Variants in PTGFRN observed in about 807,000 individuals in gnomAD.
The protein encoded by PTGFRN is prostaglandin F2 receptor negative regulator.
A neutral mutation model predicts 83.2 loss-of-function variants in PTGFRN; 35 were observed. The ratio of observed to expected loss-of-function variants is 0.42; its 90% CI spans 0.32 to 0.56. The LOEUF (loss-of-function observed/expected upper bound fraction) is 0.56, where lower values mean the gene tolerates loss of function less well. Ranked by LOEUF, PTGFRN falls within the 20% of genes least tolerant of loss-of-function variation. The pLI is 0.11. For synonymous variants in PTGFRN, 519 were observed against 498.6 expected (o/e 1.04, Z -0.55); for missense variants, 1,051 against 1,179.5 (o/e 0.89, Z 1.60).
At chr1:116,959,951 A>G (rs1385040840) in intron 4 of PTGFRN, among the ~76,000 whole-genome samples, 2 of 152,004 alleles carry the variant, frequency 1.3e-5, no homozygotes, top group African/African-American at 4.8e-5. Context: ...CCACTTGGGG[A>G]CAGTAAGACT....
chr1:116,951,761 G>T (rs1650357438), intron 4 of PTGFRN, among the ~76,000 whole-genome samples: 1 of 152,104 alleles, frequency 6.6e-6, no homozygotes, highest in South Asian at 2.1e-4. Context: ...GGTAGGGCAT[G>T]AGCATAGCAG....
Position 116,961,652 on chromosome 1 carries a change from AT to A in PTGFRN, c.1627del (p.Trp543GlyfsTer3). ...KDVFSKPVNI[F>X]WALEDSVLVV... is the part of the protein sequence containing the mutation. ...ATGTCTTCTCCAAGCCTGTTAACAT[AT>A]TTTGGGCATTAGAAGGTAGGAACTT... is the stretch of plus-strand genomic sequence containing the variant. On this transcript the variant is annotated frameshift_variant, in exon 5 of 9. Coordinates refer to ENST00000393203, the MANE Select transcript of PTGFRN (RefSeq NM_020440.4). LOFTEE classifies it high-confidence loss of function. The surrounding 1 kb of genome is among the most constrained non-coding windows in gnomAD (Gnocchi z 5.4). The A allele has an allele frequency of 6.2e-7, 1 of 1,604,864 alleles. No homozygotes were observed. The highest frequency in any genetic ancestry group is 8.5e-7 in the Non-Finnish European group (1 of 1,175,262).
At chr1:116,930,916 A>G (rs772916881) in intron 1 of PTGFRN, among the ~76,000 whole-genome samples, 1 of 151,852 alleles carries the variant, frequency 6.6e-6, no homozygotes, top group Non-Finnish European at 1.5e-5. Context: ...CCCTCATCCA[A>G]CCATTTTTCA....
intron 1 of PTGFRN, among the ~76,000 whole-genome samples, chr1:116,933,927 T>C (rs1013288699): frequency 1.3e-5 from 2 of 152,348 alleles, no homozygotes; most frequent in South Asian, 2.1e-4. Flanking sequence ...TGATGTCTTT[T>C]GTTGGTTTAA....
intron 4 of PTGFRN, among the ~76,000 whole-genome samples, chr1:116,959,429 T>C (rs1650583166): frequency 6.6e-6 from 1 of 152,230 alleles, no homozygotes; most frequent in South Asian, 2.1e-4. Flanking sequence ...TTGAGTTCTT[T>C]GCATTTTCTG....
At chr1:116,965,927 G>C (rs2101079391) in intron 5 of PTGFRN, among the ~76,000 whole-genome samples, 1 of 152,300 alleles carries the variant, frequency 6.6e-6, no homozygotes, top group African/African-American at 2.4e-5. Flanking sequence ...GAATGTGGTG[G>C]CTCAGTAGAA....
chr1:116,954,430 C>G (rs1291501546), intron 4 of PTGFRN, among the ~76,000 whole-genome samples: 1 of 152,254 alleles, frequency 6.6e-6, no homozygotes, highest in East Asian at 1.9e-4. Context: ...CTCTAAAGTA[C>G]CTACCCAATT....
chr1:116,927,342 A>G (rs905856388), intron 1 of PTGFRN, among the ~76,000 whole-genome samples: 3 of 152,146 alleles, frequency 2.0e-5, no homozygotes, highest in Non-Finnish European at 2.9e-5. Flanking sequence ...AAGGTTTGAC[A>G]TGGTTCTGGC....
intron 7 of PTGFRN, among the ~76,000 whole-genome samples, chr1:116,981,051 A>G (rs550257834): frequency 2.3e-4 from 35 of 152,242 alleles, no homozygotes; most frequent in African/African-American, 7.7e-4. Context: ...TTTTCTTTGC[A>G]TTTACATATT....
chr1:116,945,087 C>G lies in PTGFRN; in HGVS notation c.827C>G (p.Pro276Arg). The change falls in exon 3 of 9, where the codon CCA becomes CGA. Residue 276 changes from proline to arginine, a missense_variant. Physicochemically the swap from Pro to Arg is moderately radical, Grantham distance 103. Coordinates refer to ENST00000393203, the MANE Select transcript of PTGFRN (RefSeq NM_020440.4). ...GAAGTTGCCACCGTGGTGATCCAGC[C>G]ATCAGGTGAGCTGGAAACGATGCGT... Reference protein sequence around the residue: ...AVEVATVVIQPSVLRAAVPKN... With the variant: ...AVEVATVVIQRSVLRAAVPKN... The G allele has an allele frequency of 6.2e-7, 1 of 1,611,582 alleles. No individual in the cohort carries two copies. Among genetic ancestry groups the G allele is most frequent in the Middle Eastern group, 1.7e-4 (1 of 6,048 alleles).
At chr1:116,935,914 G>T (rs924693618) in intron 1 of PTGFRN, among the ~76,000 whole-genome samples, 1 of 152,010 alleles carries the variant, frequency 6.6e-6, no homozygotes, top group Non-Finnish European at 1.5e-5. Flanking sequence ...AATGTTTTTC[G>T]TATGAAGGTT....
At chr1:116,935,751 C>T (rs561274778) in intron 1 of PTGFRN, among the ~76,000 whole-genome samples, 1 of 152,006 alleles carries the variant, frequency 6.6e-6, no homozygotes, top group Non-Finnish European at 1.5e-5. Context: ...TAAGAGAAAC[C>T]TGTGTAGTTC....
In PTGFRN at chr1:116,923,987, G is replaced by A. The variant is rs1366147639; in HGVS notation, c.49+13735G>A. Among the ~76,000 whole-genome samples the A allele has an allele frequency of 6.6e-6, 1 of 152,034 alleles. No individual in the cohort carries two copies. The highest frequency in any genetic ancestry group is 1.5e-5 in the Non-Finnish European group (1 of 68,032). On this transcript the variant is annotated intron_variant, in intron 1 of 8. Transcript: ENST00000393203. The surrounding 1 kb of genome is among the most constrained non-coding windows in gnomAD (Gnocchi z 4.0). ...GTGGCATGGACGAAGTGTCATCCAA[G>A]GATTGTTAAACGAAAGGGGAAACAA...
chr1:116,966,732 G>T (rs1232161507), intron 5 of PTGFRN, among the ~76,000 whole-genome samples, 179 bp from the exon 6 acceptor site: 2 of 152,210 alleles, frequency 1.3e-5, no homozygotes, highest in Non-Finnish European at 2.9e-5. Context: ...TTTCAATGGG[G>T]TGGTTTTAGC....
chr1:116,947,077 C>T (rs185905841), intron 3 of PTGFRN, among the ~76,000 whole-genome samples: 1 of 152,250 alleles, frequency 6.6e-6, no homozygotes, highest in Admixed American at 6.5e-5. Flanking sequence ...TTTTCCCATC[C>T]AAGTTCACAG....
chr1:116,910,182 G>T lies in PTGFRN; in HGVS notation c.-22G>T. On this transcript the variant is annotated 5_prime_UTR_variant, in exon 1 of 9. Transcript: ENST00000393203. ...CGGCGGGGAAGGAGGAGGAGGGGGA[G>T]AGTCGCTCCCGCCGGGCGAGCATGG... The T allele has an allele frequency of 6.7e-7, 1 of 1,500,656 alleles. No homozygotes were observed. Among genetic ancestry groups the T allele is most frequent in the Non-Finnish European group, 8.8e-7 (1 of 1,131,068 alleles). The allele number at this position is 1,500,656 out of a possible 1,614,324, so 93.0% of individuals were successfully genotyped here. A position where few individuals can be genotyped will look rare whatever the true frequency, so the allele number is the denominator to read the frequency against.
At chr1:116,966,171 A>G (rs1650824457) in intron 5 of PTGFRN, among the ~76,000 whole-genome samples, 1 of 152,260 alleles carries the variant, frequency 6.6e-6, no homozygotes, top group South Asian at 2.1e-4. Flanking sequence ...ACTATAATAG[A>G]TGAATTCTAA....
Position 116,961,690 on chromosome 1 carries a change from T to C in PTGFRN, c.1639+22T>C, listed in dbSNP as rs1340117885. 8.2e-6 allele frequency: 13 copies of C among 1,586,594 alleles called. No homozygotes were observed. Among genetic ancestry groups the C allele is most frequent in the Middle Eastern group, 1.7e-4 (1 of 5,894 alleles). On this transcript the variant is annotated intron_variant, in intron 5 of 8. Transcript: ENST00000393203. The surrounding 1 kb of genome is among the most constrained non-coding windows in gnomAD (Gnocchi z 5.4). Reference sequence around the variant, plus strand: ...GAAGGTAGGAACTTTTTTCTTGTTATTCATTTTTGTTTTGTCTTTGCTTAA... The same window carrying C: ...GAAGGTAGGAACTTTTTTCTTGTTACTCATTTTTGTTTTGTCTTTGCTTAA...
chr1:116,982,444 G>C (rs1557751154), intron 7 of PTGFRN, among the ~76,000 whole-genome samples: 1 of 152,134 alleles, frequency 6.6e-6, no homozygotes, highest in Non-Finnish European at 1.5e-5. Context: ...ATGCTCTTTT[G>C]TGAAGGACAT....
Sources: gnomAD v4.1 joint callset for allele counts (sites outside exome capture counted in the v4.1 genomes callset) on GRCh38, gnomAD v4.1.1 for gene constraint, Gnocchi (gnomAD v3.1) non-coding constraint, MANE v1.5 for transcripts, NCBI Gene and HGNC (gene_info 2026-07-23, HGNC 2026-07-21) for gene names.